PCDH15: variants seen among roughly 807,000 people sequenced by gnomAD.
PCDH15 encodes protocadherin-15.
A neutral mutation model predicts 178.5 loss-of-function variants in PCDH15; 129 were observed. The observed-to-expected ratio is 0.72, with a 90% CI of 0.63 to 0.84. The LOEUF is 0.84. Among genes scored for constraint, PCDH15 ranks in the 40% least tolerant of loss-of-function variants. The pLI is 0.00. For missense variants in PCDH15, 2,230 were observed against 2,099.9 expected (o/e 1.06, Z -1.21); for synonymous variants, 800 against 732.0 (o/e 1.09, Z -1.50).
chr10:55,612,098 G>T (rs1252657462), intron 2 of PCDH15, among the ~76,000 whole-genome samples: 2 of 151,932 alleles, frequency 1.3e-5, no homozygotes, highest in African/African-American at 4.8e-5. Context: ...AAGTCCTAGT[G>T]ATCTATTGAG....
rs940606295 is a variant in PCDH15 at position 54,465,972 on chromosome 10, T to C, written c.157+61840A>G. On this transcript the variant is annotated intron_variant, in intron 3 of 37. Transcript: ENST00000644397. ...GCAAGATGGTATCTCATGATTTTGA[T>C]TTACACTTCCATGATGATTAGTGAT... Among the ~76,000 whole-genome samples, 9 of 152,124 alleles carry C rather than the reference T, an allele frequency of 5.9e-5. No individual in the cohort carries two copies. The South Asian group carries it at 6.2e-4, about 11-fold the overall frequency.
At chr10:55,542,325 C>T (rs79719168) in intron 2 of PCDH15, among the ~76,000 whole-genome samples, 4 of 150,122 alleles carry the variant, frequency 2.7e-5, no homozygotes, top group Non-Finnish European at 5.9e-5. Flanking sequence ...GACATATATA[C>T]CCTATGCCCC....
At chr10:54,416,369 T>G (rs905250770) in intron 3 of PCDH15, among the ~76,000 whole-genome samples, 2 of 152,004 alleles carry the variant, frequency 1.3e-5, no homozygotes, top group Non-Finnish European at 2.9e-5. Context: ...AGTGAGAACA[T>G]GCAGTGTTTG....
chr10:54,152,031 T>C (rs910504617), intron 14 of PCDH15, among the ~76,000 whole-genome samples: 3 of 152,182 alleles, frequency 2.0e-5, no homozygotes, highest in African/African-American at 4.8e-5. Context: ...ATATAATAAA[T>C]GCAACATCTC....
intron 2 of PCDH15, among the ~76,000 whole-genome samples, chr10:55,512,588 G>T (rs1840910503): frequency 6.6e-6 from 1 of 151,984 alleles, no homozygotes; most frequent in African/African-American, 2.4e-5. Context: ...GTTTACCCTT[G>T]CTCAGATACC....
At chr10:55,331,739 A>G in intron 2 of PCDH15, among the ~76,000 whole-genome samples, 1 of 152,116 alleles carries the variant, frequency 6.6e-6, no homozygotes, top group East Asian at 1.9e-4. Flanking sequence ...GCCTTTGTGA[A>G]CAAGGTAACC....
At chr10:54,068,225 GCA>G (rs2094174442) in intron 17 of PCDH15, among the ~76,000 whole-genome samples, 2 of 151,976 alleles carry the variant, frequency 1.3e-5, no homozygotes, top group African/African-American at 4.8e-5. Context: ...ATTTTTTCAT[GCA>G]CAGTGTTCAG....
At chr10:53,924,035 C>A (rs947798559) in intron 25 of PCDH15, among the ~76,000 whole-genome samples, 3 of 152,178 alleles carry the variant, frequency 2.0e-5, no homozygotes, top group Non-Finnish European at 2.9e-5. Context: ...CCTCGCAGCC[C>A]TCGCTTGATC....
intron 2 of PCDH15, among the ~76,000 whole-genome samples, chr10:55,369,893 C>A (rs548001606): frequency 6.6e-6 from 1 of 151,778 alleles, no homozygotes; most frequent in East Asian, 1.9e-4. Flanking sequence ...GAGACACATG[C>A]TTATTCCAAT....
intron 2 of PCDH15, among the ~76,000 whole-genome samples, chr10:55,394,222 T>C (rs1266666970): frequency 6.2e-5 from 1 of 16,226 alleles, no homozygotes; most frequent in Non-Finnish European, 9.7e-5. Flanking sequence ...ACTATAACAC[T>C]ATTTTTTTTT....
At chr10:55,383,688 C>T (rs2132004431) in intron 2 of PCDH15, among the ~76,000 whole-genome samples, 1 of 152,286 alleles carries the variant, frequency 6.6e-6, no homozygotes, top group African/African-American at 2.4e-5. Flanking sequence ...TGCTCATAGA[C>T]ACTTGTAGTA....
chr10:53,982,926 T>C lies in PCDH15; in HGVS notation c.2868+12723A>G, dbSNP rs546292884. ...GTCATTTTTCTTAAACACATAATTATCAAGAAATTACTTACTCAGGCTCAC... is the reference window on the plus strand; with the variant it reads ...GTCATTTTTCTTAAACACATAATTACCAAGAAATTACTTACTCAGGCTCAC... On this transcript the variant is annotated intron_variant, in intron 21 of 37. Transcript: ENST00000644397. 5.9e-5 allele frequency among the ~76,000 whole-genome samples: 9 copies of C among 152,232 alleles called. No individual in the cohort carries two copies. In the South Asian group the frequency reaches 1.9e-3, roughly 32 times the overall value.
intron 2 of PCDH15, among the ~76,000 whole-genome samples, chr10:55,160,411 T>C (rs1839032490): frequency 6.6e-6 from 1 of 152,022 alleles, no homozygotes; most frequent in Non-Finnish European, 1.5e-5. Context: ...TTTTACTGTT[T>C]ATATTCATTC....
At chr10:54,154,405 T>C (rs1283824152) in intron 13 of PCDH15, among the ~76,000 whole-genome samples, 1 of 152,136 alleles carries the variant, frequency 6.6e-6, no homozygotes, top group African/African-American at 2.4e-5. Flanking sequence ...TTTATTTACT[T>C]ATATTTATAT....
At chr10:54,336,488 G>T (rs1199008201) in intron 6 of PCDH15, among the ~76,000 whole-genome samples, 1 of 152,136 alleles carries the variant, frequency 6.6e-6, no homozygotes, top group East Asian at 1.9e-4. Context: ...CCGTGTCCCA[G>T]CTGCTCCAGC....
chr10:54,320,463 G>C (rs2061527111), intron 7 of PCDH15, among the ~76,000 whole-genome samples: 1 of 151,960 alleles, frequency 6.6e-6, no homozygotes, highest in Non-Finnish European at 1.5e-5. Context: ...GGAGCAACAT[G>C]TGGCATGTGA....
intron 1 of PCDH15, among the ~76,000 whole-genome samples, chr10:54,759,847 T>C (rs948934619): frequency 3.9e-5 from 6 of 152,196 alleles, no homozygotes; most frequent in African/African-American, 1.4e-4. Flanking sequence ...TGGGTGCCTC[T>C]GTACAGCTGC....
At position 54,456,263 on chromosome 10, in the gene PCDH15, C is replaced by T. The variant is rs61853581; in HGVS notation, c.157+71549G>A. Among the ~76,000 whole-genome samples the T allele has an allele frequency of 5.5e-3, 841 of 152,284 alleles. 3 individuals carry two copies. The highest frequency in any genetic ancestry group is 9.5e-3 in the Non-Finnish European group (646 of 68,020). On this transcript the variant is annotated intron_variant, in intron 3 of 37. Transcript: ENST00000644397. ...TGAAAGCAGCTGAAGGGGGGGCATACCCTGCAAAGCCACAGGAGCAGAGCT... is the reference window on the plus strand; with the variant it reads ...TGAAAGCAGCTGAAGGGGGGGCATATCCTGCAAAGCCACAGGAGCAGAGCT...
Position 55,383,649 on chromosome 10 carries a change from T to C in PCDH15, c.-155-216998A>G, listed in dbSNP as rs188384898. Among the ~76,000 whole-genome samples, 9 of 152,278 alleles carry C rather than the reference T, an allele frequency of 5.9e-5. No homozygotes were observed. The East Asian group carries it at 1.5e-3, about 26-fold the overall frequency. On this transcript the variant is annotated intron_variant, in intron 2 of 5. Transcript: ENST00000613346. ...TCACATGTTGTCATTGGCTCTGAAG[T>C]AGTTGATTAAATCTCAGTCCCTCAA...
Sources: allele counts gnomAD v4.1 joint callset (sites outside exome capture counted in the v4.1 genomes callset), GRCh38; gene constraint gnomAD v4.1.1; transcripts MANE v1.5; gene names NCBI Gene and HGNC (gene_info 2026-07-23, HGNC 2026-07-21).